Variants in GNG4 observed in about 807,000 individuals in gnomAD.
GNG4 encodes the protein guanine nucleotide-binding protein G(I)/G(S)/G(O) subunit gamma-4.
In GNG4, 4 loss-of-function variants were observed where a neutral mutation model predicts 5.8. That is an observed-to-expected ratio of 0.69 (90% CI 0.34 to 1.57). GNG4 has a LOEUF of 1.57. Ranked by LOEUF, GNG4 falls within the 40% of genes most tolerant of loss-of-function variation. The probability of loss-of-function intolerance (pLI) is 0.06; values close to 1 mark genes in which losing one functional copy is unlikely to be tolerated. For missense variants in GNG4, 96 were observed against 95.1 expected, an observed-to-expected ratio of 1.01 and a Z score of -0.04; for synonymous variants, 29 against 32.9, an observed-to-expected ratio of 0.88 and a Z score of 0.41.
chr1:235,623,648 A>G (rs1475029076), intron 1 of GNG4, among the ~76,000 whole-genome samples: 3 of 151,374 alleles, frequency 2.0e-5, no homozygotes, highest in Non-Finnish European at 4.4e-5. Context: ...CACCTATTCC[A>G]CTCCCATACC....
chr1:235,556,795 A>T (rs1686922014), intron 3 of GNG4, among the ~76,000 whole-genome samples: 1 of 151,908 alleles, frequency 6.6e-6, no homozygotes, highest in African/African-American at 2.4e-5. Flanking sequence ...AATTCACCAT[A>T]ATGCAGAATC....
chr1:235,586,490 A>C (rs1687763080), intron 2 of GNG4, among the ~76,000 whole-genome samples: 1 of 152,010 alleles, frequency 6.6e-6, no homozygotes, highest in Non-Finnish European at 1.5e-5. Context: ...TGAAAAAAGG[A>C]CTCTGATGTG....
chr1:235,555,696 A>T (rs974915228), intron 3 of GNG4, among the ~76,000 whole-genome samples: 4 of 150,880 alleles, frequency 2.7e-5, no homozygotes, highest in Non-Finnish European at 5.9e-5. Flanking sequence ...AAAAAAAAAA[A>T]GTAGAATTCC....
At chr1:235,607,921 A>G (rs1688396901) in intron 1 of GNG4, among the ~76,000 whole-genome samples, 1 of 150,160 alleles carries the variant, frequency 6.7e-6, no homozygotes, top group African/African-American at 2.5e-5. Flanking sequence ...GACCAGCTAC[A>G]GGAAATGCTG....
chr1:235,630,026 C>T (rs1223547661), intron 1 of GNG4, among the ~76,000 whole-genome samples: 1 of 152,182 alleles, frequency 6.6e-6, no homozygotes, highest in African/African-American at 2.4e-5. Flanking sequence ...TGTTGGTGGA[C>T]AATGAATTAT....
At chr1:235,613,772 G>A (rs1688530739) in intron 1 of GNG4, among the ~76,000 whole-genome samples, 1 of 152,174 alleles carries the variant, frequency 6.6e-6, no homozygotes, top group Admixed American at 6.5e-5. Flanking sequence ...TAAGCATGTG[G>A]TAACTTGCTA....
intron 3 of GNG4, among the ~76,000 whole-genome samples, chr1:235,552,642 A>G (rs950210113): frequency 6.6e-6 from 1 of 152,250 alleles, no homozygotes; most frequent in African/African-American, 2.4e-5. Flanking sequence ...TATTATCATT[A>G]TTAGTTGTTT....
chr1:235,590,660 A>T (rs1477866470), intron 2 of GNG4, among the ~76,000 whole-genome samples: 1 of 152,084 alleles, frequency 6.6e-6, no homozygotes, highest in African/African-American at 2.4e-5. Flanking sequence ...AGTGATCCTT[A>T]AGCGATTTCA....
intron 3 of GNG4, among the ~76,000 whole-genome samples, chr1:235,571,211 G>A (rs908978129): frequency 2.7e-4 from 41 of 152,188 alleles, no homozygotes; most frequent in Admixed American, 2.4e-3. Flanking sequence ...AACAGTCAAT[G>A]AAATGTATGT....
At position 235,587,874 on chromosome 1, in the gene GNG4, G is replaced by A. The variant is rs1403107828; in HGVS notation, c.-10-4026C>T. On this transcript the variant is annotated intron_variant, in intron 2 of 3. Transcript: ENST00000391854. The stretch of plus-strand genomic sequence containing the variant: ...GTAAGTGTATGGAGTGTGTGAGAGG[G>A]TGTGGGGGGTGTGTTTGTGTCTGGA... 2.7e-5 allele frequency among the ~76,000 whole-genome samples: 4 copies of A among 150,756 alleles called. No individual in the cohort carries two copies. In the East Asian group the frequency reaches 7.9e-4, roughly 30 times the overall value.
intron 3 of GNG4, among the ~76,000 whole-genome samples, chr1:235,578,310 C>T (rs147001990): frequency 3.1e-3 from 478 of 152,208 alleles, no homozygotes; most frequent in African/African-American, 0.011. Context: ...AAAAGGGAAC[C>T]GTGGTATGCC....
chr1:235,631,309 G>T (rs80122446), intron 1 of GNG4, among the ~76,000 whole-genome samples: 2,754 of 152,300 alleles, frequency 0.018, 90 homozygotes, highest in African/African-American at 0.062. Context: ...ACCTCTTGCA[G>T]TTTGGTGCTG....
intron 3 of GNG4, among the ~76,000 whole-genome samples, chr1:235,581,568 C>T (rs1571892285): frequency 6.6e-6 from 1 of 151,814 alleles, no homozygotes. Flanking sequence ...TCTCTTTCTC[C>T]TGCTATGTAA....
Position 235,551,050 on chromosome 1 carries a change from G to A in GNG4, c.*1059C>T, listed in dbSNP as rs1686731263. The A allele has an allele frequency of 6.6e-6, 1 of 152,616 alleles. No individual in the cohort carries two copies. Among genetic ancestry groups the A allele is most frequent in the South Asian group, 2.1e-4 (1 of 4,832 alleles). The allele number at this position is 152,616 out of a possible 1,614,324, so 9.5% of individuals were successfully genotyped here. A position where few individuals can be genotyped will look rare whatever the true frequency, so the allele number is the denominator to read the frequency against. On this transcript the variant is annotated 3_prime_UTR_variant, in exon 4 of 4. Coordinates refer to ENST00000391854, the MANE Select transcript of GNG4 (RefSeq NM_001098722.2). ...CTACTGAGTAGGAGCCAAAAGAGGA[G>A]GGAGCAGGAAGAGGTGGCATTTGGA...
chr1:235,594,652 G>A (rs536832094), intron 2 of GNG4, among the ~76,000 whole-genome samples: 105 of 152,292 alleles, frequency 6.9e-4, no homozygotes, highest in African/African-American at 2.4e-3. Context: ...CTCACTGCCC[G>A]GGGCTTGCGG....
intron 1 of GNG4, among the ~76,000 whole-genome samples, chr1:235,607,461 C>T (rs995206555): frequency 8.5e-5 from 13 of 152,186 alleles, no homozygotes; most frequent in Non-Finnish European, 1.8e-4. Flanking sequence ...CTGGCCATCG[C>T]CACTGGGTGC....
intron 1 of GNG4, among the ~76,000 whole-genome samples, chr1:235,643,933 A>G (rs1227428544): frequency 6.6e-6 from 1 of 152,244 alleles, no homozygotes. Flanking sequence ...ATCAGTGAGC[A>G]CAGCCAACCC....
intron 3 of GNG4, among the ~76,000 whole-genome samples, chr1:235,569,457 CAAA>C (rs10660622): frequency 7.1e-6 from 1 of 139,918 alleles, no homozygotes. Context: ...GACCGTGTCT[CAAA>C]AAAAAAAAAA....
chr1:235,576,146 C>T (rs778568865), intron 3 of GNG4, among the ~76,000 whole-genome samples: 1 of 151,192 alleles, frequency 6.6e-6, no homozygotes, highest in Admixed American at 6.6e-5. Context: ...CTGAAACCTC[C>T]GCGTCCCGGA....
Sources: gnomAD v4.1 joint callset for allele counts (sites outside exome capture counted in the v4.1 genomes callset) on GRCh38, gnomAD v4.1.1 for gene constraint, MANE v1.5 for transcripts, NCBI Gene and HGNC (gene_info 2026-07-23, HGNC 2026-07-21) for gene names.